Variants in SEC23B observed in about 807,000 individuals in gnomAD.
SEC23B encodes the protein SEC23 homolog B, COPII component, also known as protein transport protein Sec23B.
SEC23B carries 77 observed loss-of-function variants against 104.3 expected under a neutral mutation model. The observed-to-expected ratio is 0.74, with a 90% CI of 0.61 to 0.89. The LOEUF is 0.89. Among genes scored for constraint, SEC23B ranks in the 40% least tolerant of loss-of-function variants. SEC23B has a pLI of 0.00. For missense variants in SEC23B, 885 were observed against 949.4 expected, an observed-to-expected ratio of 0.93 and a Z score of 0.89; for synonymous variants, 338 against 332.5, an observed-to-expected ratio of 1.02 and a Z score of -0.18.
intron 17 of SEC23B, among the ~76,000 whole-genome samples, chr20:18,553,213 G>A (rs1354165829): frequency 2.0e-5 from 3 of 152,220 alleles, no homozygotes; most frequent in African/African-American, 7.2e-5. Context: ...TGCTGAACGC[G>A]AGTGTTCTTA....
At chr20:18,528,861 T>C (rs2060157205) in intron 9 of SEC23B, among the ~76,000 whole-genome samples, 1 of 152,224 alleles carries the variant, frequency 6.6e-6, no homozygotes, top group African/African-American at 2.4e-5. Context: ...TACCATCTGT[T>C]GCACACATGT....
intron 5 of SEC23B, 95 bp downstream of exon 5, chr20:18,524,764 C>T (rs986491068): frequency 3.3e-5 from 40 of 1,225,628 alleles, no homozygotes; most frequent in Non-Finnish European, 4.2e-5. Context: ...GGCTGGAGTT[C>T]AGTGGTGTGA....
intron 3 of SEC23B, among the ~76,000 whole-genome samples, chr20:18,514,699 G>A (rs146165753): frequency 6.6e-6 from 1 of 152,332 alleles, no homozygotes; most frequent in East Asian, 1.9e-4. Context: ...GTGGCATTAT[G>A]TTGACTGGAA....
chr20:18,554,499 C>A, intron 18 of SEC23B, 109 bp downstream of exon 18: 3 of 1,368,696 alleles, frequency 2.2e-6, no homozygotes, highest in Non-Finnish European at 3.1e-6. Flanking sequence ...CATAAATTGA[C>A]ACACAGGTAA....
chr20:18,515,227 G>A (rs2060014470), intron 3 of SEC23B, among the ~76,000 whole-genome samples: 1 of 152,284 alleles, frequency 6.6e-6, no homozygotes, highest in Admixed American at 6.5e-5. Context: ...ATAAGGCAGG[G>A]TTAGAAGTTT....
At position 18,532,927 on chromosome 20, in the gene SEC23B, G is replaced by C. The variant is rs140595729; in HGVS notation, c.1314+183G>C. On this transcript the variant is annotated intron_variant, in intron 11 of 19. Transcript: ENST00000650089. Reference sequence around the variant, plus strand: ...GTTATTCCATCTGTTCATCCAAAGGGTTAGAGAGAAGGAAACTGAGGCCCA... The same window carrying C: ...GTTATTCCATCTGTTCATCCAAAGGCTTAGAGAGAAGGAAACTGAGGCCCA... 2.4e-3 allele frequency among the ~76,000 whole-genome samples: 368 copies of C among 152,266 alleles called. 7 individuals are homozygous for C. The highest frequency in any genetic ancestry group is 0.02 in the Admixed American group (303 of 15,292).
At chr20:18,558,233 G>C (rs1017451087) in intron 19 of SEC23B, among the ~76,000 whole-genome samples, 1 of 152,062 alleles carries the variant, frequency 6.6e-6, no homozygotes, top group Admixed American at 6.6e-5. Flanking sequence ...TGGCCTTTAT[G>C]GTTTCTTATG....
intron 16 of SEC23B, 74 bp downstream of exon 16, chr20:18,548,844 T>G: frequency 6.9e-7 from 1 of 1,458,782 alleles, no homozygotes; most frequent in Non-Finnish European, 9.6e-7. Flanking sequence ...CAAATTTACT[T>G]AGCAGAACTG....
intron 1 of SEC23B, chr20:18,509,588 C>T (rs967965544): frequency 6.6e-6 from 1 of 150,426 alleles, no homozygotes; most frequent in African/African-American, 2.4e-5. Flanking sequence ...TTTTACTGAC[C>T]ACAGTCTTCA....
intron 9 of SEC23B, among the ~76,000 whole-genome samples, chr20:18,530,203 A>G (rs972095890): frequency 4.0e-5 from 6 of 151,848 alleles, no homozygotes; most frequent in African/African-American, 1.4e-4. Context: ...TGAATTTAAC[A>G]TGCTGTTTTT....
At chr20:18,537,755 A>C (rs1396630090) in intron 12 of SEC23B, among the ~76,000 whole-genome samples, 1 of 151,994 alleles carries the variant, frequency 6.6e-6, no homozygotes, top group Non-Finnish European at 1.5e-5. Flanking sequence ...AAAATAAATA[A>C]ATAAATAAAA....
intron 17 of SEC23B, among the ~76,000 whole-genome samples, chr20:18,551,796 C>T (rs1026962501): frequency 2.6e-5 from 4 of 152,052 alleles, no homozygotes; most frequent in African/African-American, 9.7e-5. Flanking sequence ...TTATTACCTT[C>T]GAAGTTAGGC....
chr20:18,543,381 G>T (rs531282723), intron 14 of SEC23B, among the ~76,000 whole-genome samples: 44 of 152,258 alleles, frequency 2.9e-4, no homozygotes, highest in African/African-American at 1.1e-3. Flanking sequence ...GAAACAACAC[G>T]CATGGAGCAT....
rs2060303146 is a variant in SEC23B at position 18,543,070 on chromosome 20, G to A, written c.1563G>A (p.Gln521=). ...GGCACATAGAAGCAGCATTTGACCA[G>A]GAGGCTGCGGCAGTGTTGATGGCAC... ...QLRHIEAAFD[Q]EAAAVLMARL... is the part of the protein sequence containing the mutation. The change falls in exon 14 of 20, where the codon CAG becomes CAA. Residue 521 remains glutamine (Q), a synonymous_variant. Coordinates refer to ENST00000650089, the MANE Select transcript of SEC23B (RefSeq NM_006363.6). 3.7e-6 allele frequency: 6 copies of A among 1,614,078 alleles called. No homozygotes were observed. The highest frequency in any genetic ancestry group is 1.6e-4 in the Middle Eastern group (1 of 6,084).
chr20:18,530,775 T>C lies in SEC23B; in HGVS notation c.1205T>C (p.Met402Thr), dbSNP rs780031945. The change falls in exon 10 of 20, where the codon ATG (methionine) becomes ACG (threonine). Residue 402 changes from methionine to threonine, a missense_variant. Transcript: ENST00000650089. ...FTKDFNGDFR[M>T]AFGATLDVKT... ...AAAGATTTTAATGGAGATTTCCGAA[T>C]GGCATTTGGTGCTACTTTGGACGTA... The C allele has an allele frequency of 1.1e-5, 17 of 1,613,096 alleles. No homozygotes were observed. Among genetic ancestry groups the C allele is most frequent in the Middle Eastern group, 1.6e-4 (1 of 6,076 alleles).
At chr20:18,550,128 T>C (rs898906360) in intron 16 of SEC23B, among the ~76,000 whole-genome samples, 3 of 123,592 alleles carry the variant, frequency 2.4e-5, no homozygotes, top group Admixed American at 1.7e-4. Context: ...TATATACTTA[T>C]ATAATATAAA....
chr20:18,518,582 GTTT>G (rs57231166), intron 4 of SEC23B, among the ~76,000 whole-genome samples: 2,085 of 92,636 alleles, frequency 0.023, 40 homozygotes, highest in Non-Finnish European at 0.03. Flanking sequence ...CTGGAAGGAG[GTTT>G]TTTTTTTTTT....
chr20:18,530,876 A>C (rs2060181006), intron 10 of SEC23B, 73 bp downstream of exon 10: 2 of 1,283,446 alleles, frequency 1.6e-6, no homozygotes, highest in South Asian at 1.2e-5. Context: ...TCCTGGTCTC[A>C]GGCAATTTTC....
At chr20:18,531,832 A>C (rs2060190838) in intron 10 of SEC23B, among the ~76,000 whole-genome samples, 1 of 151,940 alleles carries the variant, frequency 6.6e-6, no homozygotes, top group Non-Finnish European at 1.5e-5. Context: ...GGGTGATTGC[A>C]TGAGCTTTGG....
Sources: gnomAD v4.1 joint callset for allele counts (sites outside exome capture counted in the v4.1 genomes callset) on GRCh38, gnomAD v4.1.1 for gene constraint, MANE v1.5 for transcripts, NCBI Gene and HGNC (gene_info 2026-07-23, HGNC 2026-07-21) for gene names.